Variants in KCNAB2 observed in about 807,000 individuals in gnomAD.
The protein encoded by KCNAB2 is voltage-gated potassium channel subunit beta-2.
In KCNAB2, 29 loss-of-function variants were observed where a neutral mutation model predicts 63.6. The observed-to-expected ratio is 0.46, with a 90% confidence interval of 0.34 to 0.62. KCNAB2 has a LOEUF of 0.62. Among genes scored for constraint, KCNAB2 ranks in the 20% least tolerant of loss-of-function variants. The probability of loss-of-function intolerance (pLI) is 0.01; values close to 1 mark genes in which losing one functional copy is unlikely to be tolerated. For synonymous variants in KCNAB2, 222 were observed against 224.2 expected, an observed-to-expected ratio of 0.99 and a Z score of 0.09; for missense variants, 359 against 563.9, an observed-to-expected ratio of 0.64 and a Z score of 3.68.
intron 10 of KCNAB2, 95 bp from the exon 11 acceptor site, chr1:6,094,305 C>T (rs968044545): frequency 5.6e-6 from 5 of 892,642 alleles, no homozygotes; most frequent in Admixed American, 4.1e-5. Context: ...CCCTGTCCCT[C>T]CTCCCAGCGT....
chr1:6,021,215 C>T (rs1296212045), intron 1 of KCNAB2, among the ~76,000 whole-genome samples: 1 of 152,118 alleles, frequency 6.6e-6, no homozygotes. Flanking sequence ...CCAGGCTGGT[C>T]TTAAGTTCCT....
rs1372901610 is a variant in KCNAB2 at position 6,024,182 on chromosome 1, TCCAC to T, written c.-52-16331_-52-16328del. ...GTCTCGAACTCCTGACCTCAGGTGA[TCCAC>T]CCATCTCGGCCTCCCAAAGTTCTGG... is the stretch of plus-strand genomic sequence containing the variant. On this transcript the variant is annotated intron_variant, in intron 1 of 16. Coordinates refer to the KCNAB2 transcript ENST00000341524. The surrounding 1 kb of genome is among the most constrained non-coding windows in gnomAD (Gnocchi z 5.4). Among the ~76,000 whole-genome samples the T allele has an allele frequency of 6.6e-6, 1 of 152,164 alleles. No individual in the cohort carries two copies. Among genetic ancestry groups the T allele is most frequent in the African/African-American group, 2.4e-5 (1 of 41,432 alleles).
At chr1:6,066,239 G>A (rs554139724) in intron 2 of KCNAB2, among the ~76,000 whole-genome samples, 5 of 152,326 alleles carry the variant, frequency 3.3e-5, no homozygotes, top group East Asian at 1.9e-4. Flanking sequence ...CCCGTGTGCC[G>A]GTGACACCAG....
chr1:6,068,148 G>T (rs1662909121), intron 2 of KCNAB2, among the ~76,000 whole-genome samples: 2 of 152,240 alleles, frequency 1.3e-5, no homozygotes, highest in South Asian at 4.1e-4. Context: ...TTAAAAGCGG[G>T]ACTATTTCTA....
rs1205612130 is a variant in KCNAB2 at position 6,024,286 on chromosome 1, A to G, written c.-52-16231A>G. ...TTTTTGTTAGAGATTGGGTCTCACT[A>G]TGTTGCCCAGACTGGTCTCGAACTC... On this transcript the variant is annotated intron_variant, in intron 1 of 16. Transcript: ENST00000341524. The surrounding 1 kb of genome is among the most constrained non-coding windows in gnomAD (Gnocchi z 5.4). Among the ~76,000 whole-genome samples, 1 of 151,962 alleles carries G rather than the reference A, an allele frequency of 6.6e-6. No homozygotes were observed. The highest frequency in any genetic ancestry group is 1.5e-5 in the Non-Finnish European group (1 of 67,990).
At chr1:6,059,183 TC>T (rs1662098476) in intron 2 of KCNAB2, among the ~76,000 whole-genome samples, 1 of 148,514 alleles carries the variant, frequency 6.7e-6, no homozygotes, top group African/African-American at 2.6e-5. Flanking sequence ...TACCTGTTTT[TC>T]CTGTTTTTTG....
In KCNAB2 at chr1:6,073,105, G is replaced by A. The variant is rs1571028324; in HGVS notation, c.262+307G>A. ...CAAAATCAGAGGCCCTTAGGGCCCC[G>A]GGAGTGCAACGAAGACACCTTACCT... On this transcript the variant is annotated intron_variant, in intron 3 of 15. Coordinates refer to ENST00000378083, the MANE Select transcript of KCNAB2 (RefSeq NM_001199862.2). The surrounding 1 kb of genome is among the most constrained non-coding windows in gnomAD (Gnocchi z 5.7). Among the ~76,000 whole-genome samples the A allele has an allele frequency of 6.6e-6, 1 of 152,112 alleles. No individual in the cohort carries two copies. Among genetic ancestry groups the A allele is most frequent in the Admixed American group, 6.5e-5 (1 of 15,280 alleles).
In KCNAB2 at chr1:6,046,024, C is replaced by T. The variant is rs1352146426; in HGVS notation, c.-186C>T. ...CTAATGGACTCGCTGCCTCAAAACT[C>T]GACTCTGGTGGGACTCATCTCATTC... On this transcript the variant is annotated 5_prime_UTR_variant, in exon 1 of 16. Transcript: ENST00000378083. 2 of 985,332 alleles carry T rather than the reference C, an allele frequency of 2.0e-6. No homozygotes were observed. Among genetic ancestry groups the T allele is most frequent in the Admixed American group, 6.1e-5 (1 of 16,272 alleles). The allele number at this position is 985,332 out of a possible 1,614,324, so 61.0% of individuals were successfully genotyped here. A position where few individuals can be genotyped will look rare whatever the true frequency, so the allele number is the denominator to read the frequency against.
intron 1 of KCNAB2, among the ~76,000 whole-genome samples, chr1:5,998,567 G>C (rs1657062487): frequency 6.6e-6 from 1 of 152,190 alleles, no homozygotes; most frequent in South Asian, 2.1e-4. Flanking sequence ...ACGGGTTTGA[G>C]AGGGAAGATG....
At position 5,994,583 on chromosome 1, in the gene KCNAB2, T is replaced by C. The variant is rs1656837887; in HGVS notation, c.-53+1795T>C. Among the ~76,000 whole-genome samples, 1 of 152,070 alleles carries C rather than the reference T, an allele frequency of 6.6e-6. No individual in the cohort carries two copies. Among genetic ancestry groups the C allele is most frequent in the Admixed American group, 6.5e-5 (1 of 15,284 alleles). ...TGCTTTGTAGGTGCTAGTCAACACC[T>C]GGGGGCTGAGCCAGGCACTGGAGTT... is the stretch of plus-strand genomic sequence containing the variant. On this transcript the variant is annotated intron_variant, in intron 1 of 16. Coordinates refer to the KCNAB2 transcript ENST00000341524. This position sits in a 1 kb window ranked among gnomAD's most constrained non-coding sequence, Gnocchi z 5.4.
rs778487188 is a variant in KCNAB2 at position 6,089,846 on chromosome 1, C to T, written c.515-543C>T. Among the ~76,000 whole-genome samples the T allele has an allele frequency of 7.9e-5, 12 of 152,188 alleles. No homozygotes were observed. The East Asian group carries it at 1.4e-3, about 17-fold the overall frequency. On this transcript the variant is annotated intron_variant, in intron 8 of 15. Transcript: ENST00000378083. ...CTGAGTAGCTGGGATTACAGGTGCC[C>T]ACCACCACATCTGGTTAATTTTTTT...
At position 6,073,939 on chromosome 1, in the gene KCNAB2, G is replaced by C; in HGVS notation, c.300+169G>C. On this transcript the variant is annotated intron_variant, in intron 4 of 15. Coordinates refer to ENST00000378083, the MANE Select transcript of KCNAB2 (RefSeq NM_001199862.2). The surrounding 1 kb of genome is among the most constrained non-coding windows in gnomAD (Gnocchi z 5.7). Reference sequence around the variant, plus strand: ...CCCTGCCCCAGGGGAGAGTAGAAAGGTGAGCCAGGTGGCCATGGCCAGAGG... The same window carrying C: ...CCCTGCCCCAGGGGAGAGTAGAAAGCTGAGCCAGGTGGCCATGGCCAGAGG... 3 of 655,168 alleles carry C rather than the reference G, an allele frequency of 4.6e-6. No homozygotes were observed. The South Asian group carries it at 5.4e-5, about 12-fold the overall frequency. 40.6% of individuals were successfully genotyped at this position (655,168 alleles called of 1,614,324 possible).
At chr1:6,084,918 G>GC (rs1249123194) in intron 5 of KCNAB2, among the ~76,000 whole-genome samples, 4 of 152,224 alleles carry the variant, frequency 2.6e-5, no homozygotes, top group Non-Finnish European at 5.9e-5. Context: ...CTCGACAGCA[G>GC]CTCCTTCCTT....
chr1:6,068,903 C>T (rs145431557), intron 2 of KCNAB2, among the ~76,000 whole-genome samples: 94 of 152,276 alleles, frequency 6.2e-4, no homozygotes, highest in African/African-American at 2.2e-3. Flanking sequence ...CAGTACCAGG[C>T]GCCACATTCT....
In KCNAB2 at chr1:6,086,441, G is replaced by A. The variant is rs752887065; in HGVS notation, c.426-1026G>A. ...GGTGATCCCCCTTCCTGGAGGTGAC[G>A]CTGCCTCTGCCAGAGCTCTGTGGCC... On this transcript the variant is annotated intron_variant, in intron 6 of 15. Transcript: ENST00000378083. This position sits in a 1 kb window ranked among gnomAD's most constrained non-coding sequence, Gnocchi z 4.2. The A allele has an allele frequency of 7.9e-5, 73 of 925,350 alleles. No individual in the cohort carries two copies. The highest frequency in any genetic ancestry group is 8.9e-5 in the Non-Finnish European group (69 of 775,272). 57.3% of individuals were successfully genotyped at this position (925,350 alleles called of 1,614,324 possible). A position where few individuals can be genotyped will look rare whatever the true frequency, so the allele number is the denominator to read the frequency against.
intron 1 of KCNAB2, among the ~76,000 whole-genome samples, chr1:6,020,865 G>T (rs150764643): frequency 6.6e-6 from 1 of 151,992 alleles, no homozygotes; most frequent in Non-Finnish European, 1.5e-5. Flanking sequence ...TCACCATGTT[G>T]GCCAGGCTGG....
chr1:6,065,942 A>C (rs566811512), intron 2 of KCNAB2, among the ~76,000 whole-genome samples: 4 of 152,222 alleles, frequency 2.6e-5, no homozygotes, highest in African/African-American at 9.6e-5. Flanking sequence ...GAATGCCTGC[A>C]GCTTCCTTGG....
At chr1:6,053,038 C>G (rs149940518) in intron 2 of KCNAB2, among the ~76,000 whole-genome samples, 117 of 152,196 alleles carry the variant, frequency 7.7e-4, no homozygotes, top group Non-Finnish European at 1.1e-3. Flanking sequence ...GTGTTTGGTC[C>G]TTCAGCCCAT....
At chr1:6,025,405 CCA>C (rs1491045947) in intron 1 of KCNAB2, among the ~76,000 whole-genome samples, 4 of 152,166 alleles carry the variant, frequency 2.6e-5, no homozygotes, top group Non-Finnish European at 5.9e-5. Context: ...TGGGCTGTGC[CCA>C]GAGTGAGTCA....
Sources: allele counts gnomAD v4.1 joint callset (sites outside exome capture counted in the v4.1 genomes callset), GRCh38; gene constraint gnomAD v4.1.1; non-coding constraint Gnocchi (gnomAD v3.1); transcripts MANE v1.5; gene names NCBI Gene and HGNC (gene_info 2026-07-23, HGNC 2026-07-21).